Variants in COBLL1 observed in about 807,000 individuals in gnomAD.
COBLL1 encodes cordon-bleu WH2 repeat protein like 1, also known as cordon-bleu protein-like 1.
In COBLL1, 50 loss-of-function variants were observed where a neutral mutation model predicts 94.8. The ratio of observed to expected loss-of-function variants is 0.53; its 90% CI spans 0.42 to 0.67. The LOEUF is 0.67. COBLL1 is among the 30% of genes least tolerant of loss of function. The pLI is 0.00. For missense variants in COBLL1, 1,362 were observed against 1,348.7 expected, an observed-to-expected ratio of 1.01 and a Z score of -0.15; for synonymous variants, 448 against 473.8, an observed-to-expected ratio of 0.95 and a Z score of 0.71.
intron 2 of COBLL1, among the ~76,000 whole-genome samples, chr2:164,808,555 A>G (rs866097633): frequency 1.3e-5 from 2 of 152,216 alleles, no homozygotes; most frequent in Non-Finnish European, 2.9e-5. Flanking sequence ...GTTAAATAAA[A>G]ATTGATAAGG....
chr2:164,809,629 C>A (rs140791767), intron 2 of COBLL1, among the ~76,000 whole-genome samples: 1 of 152,052 alleles, frequency 6.6e-6, no homozygotes, highest in East Asian at 1.9e-4. Flanking sequence ...TTTACAAAAA[C>A]TATTTTTAAA....
chr2:164,718,043 A>G (rs1280428741), intron 7 of COBLL1, among the ~76,000 whole-genome samples: 1 of 152,248 alleles, frequency 6.6e-6, no homozygotes, highest in African/African-American at 2.4e-5. Flanking sequence ...AGTAAATGTA[A>G]GCAATCTTTA....
Position 164,700,371 on chromosome 2 carries a change from A to C in COBLL1, c.1460+151T>G, listed in dbSNP as rs1256589770. 13 of 539,254 alleles carry C rather than the reference A, an allele frequency of 2.4e-5. No individual in the cohort carries two copies. The East Asian group carries it at 3.5e-4, about 15-fold the overall frequency. The allele number at this position is 539,254 out of a possible 1,614,324, so 33.4% of individuals were successfully genotyped here. The stretch of plus-strand genomic sequence containing the variant: ...GTAATTACATGCAAATAAGTACTTC[A>C]TTAATAAACATTCTTATATAATGGT... On this transcript the variant is annotated intron_variant, in intron 10 of 13. Transcript: ENST00000652658.
intron 2 of COBLL1, among the ~76,000 whole-genome samples, chr2:164,801,528 G>A (rs62175560): frequency 0.12 from 17,974 of 150,648 alleles, 1,362 homozygotes; most frequent in Admixed American, 0.18. Flanking sequence ...AGGCTGAGGT[G>A]GATTGCTTGA....
In COBLL1 at chr2:164,759,543, C is replaced by CAT. The variant is rs1433773908; in HGVS notation, c.42-15670_42-15669dup. Among the ~76,000 whole-genome samples, 6 of 152,082 alleles carry CAT rather than the reference C, an allele frequency of 3.9e-5. No homozygotes were observed. The East Asian group carries it at 1.2e-3, about 29-fold the overall frequency. On this transcript the variant is annotated intron_variant, in intron 2 of 13. Coordinates refer to ENST00000652658, the MANE Select transcript of COBLL1 (RefSeq NM_001365672.2). ...AGGCACAATCCATAGATTTAGTATA[C>CAT]ATATATGTATATAAAAAAATTTGAC...
intron 5 of COBLL1, chr2:164,725,124 AT>A (rs1685657627): frequency 2.3e-5 from 2 of 87,284 alleles, no homozygotes; most frequent in Non-Finnish European, 4.3e-5. Context: ...ATATATATAT[AT>A]ATATATATAA....
chr2:164,669,642 C>T (rs551042076), intron 1 of COBLL1, among the ~76,000 whole-genome samples: 1 of 152,178 alleles, frequency 6.6e-6, no homozygotes. Context: ...ATTGGGAACA[C>T]TGCAAAACAT....
chr2:164,672,559 C>G (rs555028940), intron 1 of COBLL1, among the ~76,000 whole-genome samples: 3 of 151,434 alleles, frequency 2.0e-5, no homozygotes, highest in African/African-American at 7.3e-5. Context: ...ATTAGCCGGG[C>G]GCGGTGGCGG....
At chr2:164,704,363 G>T in intron 9 of COBLL1, 81 bp downstream of exon 9, 1 of 918,696 alleles carries the variant, frequency 1.1e-6, no homozygotes, top group Non-Finnish European at 1.8e-6. Flanking sequence ...CATGTACAAA[G>T]CATCGCAAAT....
intron 2 of COBLL1, among the ~76,000 whole-genome samples, chr2:164,801,206 G>A (rs1286430586): frequency 2.0e-5 from 3 of 151,778 alleles, no homozygotes; most frequent in Admixed American, 6.6e-5. Flanking sequence ...TTGGGAGGCC[G>A]AGGCAGGCGG....
Position 164,700,572 on chromosome 2 carries a change from G to C in COBLL1, c.1410C>G (p.Phe470Leu). Residue 470 changes from phenylalanine to leucine, a missense_variant, in exon 10 of 14, where the codon TTC becomes TTG. Transcript: ENST00000652658. ...DSALGNGSGE[F>L]SQNSMEEKQE... The stretch of plus-strand genomic sequence containing the variant: ...GTTTTTCTTCCATGGAGTTTTGTGA[G>C]AACTCTCCACTACCATTGCCAAGGG... 1 of 1,613,722 alleles carries C rather than the reference G, an allele frequency of 6.2e-7. No homozygotes were observed. Among genetic ancestry groups the C allele is most frequent in the Non-Finnish European group, 8.5e-7 (1 of 1,179,770 alleles).
chr2:164,664,762 T>C (rs1282087658), intron 2 of COBLL1, among the ~76,000 whole-genome samples: 1 of 152,152 alleles, frequency 6.6e-6, no homozygotes, highest in African/African-American at 2.4e-5. Flanking sequence ...CAACAGAGCA[T>C]TTGAATACAA....
intron 10 of COBLL1, among the ~76,000 whole-genome samples, 198 bp from the exon 11 acceptor site, chr2:164,699,697 T>C (rs1574430581): frequency 6.6e-6 from 1 of 152,068 alleles, no homozygotes; most frequent in East Asian, 1.9e-4. Context: ...AATGCTGCTA[T>C]GAAACATTAG....
At chr2:164,800,700 A>G (rs1290664070) in intron 2 of COBLL1, 3 of 606,772 alleles carry the variant, frequency 4.9e-6, no homozygotes, top group Non-Finnish European at 8.7e-6. Context: ...GTACATCCAT[A>G]CTACAAAATA....
intron 2 of COBLL1, among the ~76,000 whole-genome samples, chr2:164,823,267 A>C (rs355806): frequency 0.52 from 78,297 of 151,980 alleles, 21,795 homozygotes; most frequent in African/African-American, 0.72. Flanking sequence ...GCTGCTAGTG[A>C]CCAGCACAGT....
At chr2:164,726,348 T>G (rs184399998) in intron 5 of COBLL1, among the ~76,000 whole-genome samples, 1 of 152,292 alleles carries the variant, frequency 6.6e-6, no homozygotes, top group East Asian at 1.9e-4. Flanking sequence ...AGGCTTGTTT[T>G]TTTAGTAGGC....
upstream of COBLL1, chr2:164,841,852 G>C (rs917675877): frequency 2.6e-5 from 21 of 811,234 alleles, no homozygotes; most frequent in Non-Finnish European, 3.4e-5. This position sits in a 1 kb window ranked among gnomAD's most constrained non-coding sequence, Gnocchi z 5.5. Flanking sequence ...GCGAGGCTCA[G>C]CCCAGCGCGG....
chr2:164,743,664 A>C (rs765794241), intron 3 of COBLL1, 23 bp downstream of exon 3: 2 of 1,587,712 alleles, frequency 1.3e-6, no homozygotes, highest in Non-Finnish European at 1.7e-6. Context: ...GGAGGTCCTG[A>C]TATTTCATTT....
chr2:164,665,329 T>A (rs1691137944), intron 2 of COBLL1, among the ~76,000 whole-genome samples: 2 of 6,676 alleles, frequency 3.0e-4, no homozygotes, highest in Non-Finnish European at 3.3e-4. Flanking sequence ...AGATTCTGTG[T>A]CAAAAAAAAA....
Sources: allele counts gnomAD v4.1 joint callset (sites outside exome capture counted in the v4.1 genomes callset), GRCh38; gene constraint gnomAD v4.1.1; non-coding constraint Gnocchi (gnomAD v3.1); transcripts MANE v1.5; gene names NCBI Gene and HGNC (gene_info 2026-07-23, HGNC 2026-07-21).